MYOM1: variants seen among roughly 807,000 people sequenced by gnomAD.
The protein encoded by MYOM1 is myomesin 1.
In MYOM1, 164 loss-of-function variants were observed where a neutral mutation model predicts 205.3. The observed-to-expected ratio is 0.80, with a 90% confidence interval of 0.70 to 0.91. MYOM1 has a LOEUF of 0.91. Ranked by LOEUF, MYOM1 falls within the 40% of genes least tolerant of loss-of-function variation. MYOM1 has a pLI of 0.00. For synonymous variants in MYOM1, 772 were observed against 789.4 expected (o/e 0.98, Z 0.37); for missense variants, 2,011 against 2,127.3 (o/e 0.95, Z 1.08).
chr18:3,192,544 C>T lies in MYOM1; in HGVS notation c.431+1274G>A, dbSNP rs560962378. Among the ~76,000 whole-genome samples the T allele has an allele frequency of 2.6e-5, 4 of 152,186 alleles. No individual in the cohort carries two copies. In the South Asian group the frequency reaches 8.3e-4, roughly 32 times the overall value. ...ACCATCAATCACAACCAAATTATTT[C>T]CTGACTTCCAAGAGGATCTACTTTT... On this transcript the variant is annotated intron_variant, in intron 3 of 37. Transcript: ENST00000356443.
chr18:3,079,043 C>A, intron 34 of MYOM1, 136 bp downstream of exon 34: 4 of 590,832 alleles, frequency 6.8e-6, no homozygotes, highest in East Asian at 4.3e-5. Context: ...GAACTCCTGA[C>A]TTCAAGTCAT....
chr18:3,086,801 A>G (rs2079160426), intron 29 of MYOM1, among the ~76,000 whole-genome samples: 1 of 152,174 alleles, frequency 6.6e-6, no homozygotes, highest in East Asian at 1.9e-4. Context: ...ATACTCATGT[A>G]TTTCTTGTAT....
chr18:3,228,012 C>CTTTA, the MYOM1 span, among the ~76,000 whole-genome samples: 1 of 151,984 alleles, frequency 6.6e-6, no homozygotes, highest in Non-Finnish European at 1.5e-5. The surrounding 1 kb of genome is among the most constrained non-coding windows in gnomAD (Gnocchi z 4.5). Context: ...TACTTGCAAA[C>CTTTA]TAAAAAGTGA....
intron 5 of MYOM1, among the ~76,000 whole-genome samples, chr18:3,185,958 G>A (rs896304302): frequency 1.8e-4 from 27 of 152,178 alleles, no homozygotes; most frequent in African/African-American, 6.5e-4. Flanking sequence ...CACTTTGGGA[G>A]GCCGAGGTGG....
rs2081307688 is a variant in MYOM1, at chr18:3,219,520, T to A, written c.-29+283A>T. 6.6e-6 allele frequency among the ~76,000 whole-genome samples: 1 copy of A among 152,142 alleles called. No individual in the cohort carries two copies. Among genetic ancestry groups the A allele is most frequent in the African/African-American group, 2.4e-5 (1 of 41,436 alleles). ...CTTGGAAATAGCATTAAACACACGC[T>A]TACAGTTCAATCCGAGGCAGATATG... is the stretch of plus-strand genomic sequence containing the variant. On this transcript the variant is annotated intron_variant, in intron 1 of 37. Coordinates refer to ENST00000356443, the MANE Select transcript of MYOM1 (RefSeq NM_003803.4). The surrounding 1 kb of genome is among the most constrained non-coding windows in gnomAD (Gnocchi z 4.4).
At chr18:3,234,176 C>T in the MYOM1 span, among the ~76,000 whole-genome samples, 1 of 151,698 alleles carries the variant, frequency 6.6e-6, no homozygotes, top group East Asian at 1.9e-4. Context: ...AGGACGTGCT[C>T]AATAAAGAAG....
chr18:3,106,454 G>A (rs1043278857), intron 22 of MYOM1, among the ~76,000 whole-genome samples: 4 of 152,152 alleles, frequency 2.6e-5, no homozygotes, highest in African/African-American at 9.7e-5. Context: ...TGTAACATAA[G>A]AAATGGGATC....
chr18:3,100,038 T>A, intron 25 of MYOM1, 121 bp downstream of exon 25: 1 of 1,010,934 alleles, frequency 9.9e-7, no homozygotes, highest in South Asian at 1.4e-5. Flanking sequence ...CTGATGTGTG[T>A]TCCATTATAT....
chr18:3,220,258 A>T (rs1007622274), upstream of MYOM1: 2 of 152,066 alleles, frequency 1.3e-5, no homozygotes, highest in East Asian at 3.9e-4. Context: ...TAGTAATATG[A>T]TTCTCAAAAT....
At chr18:3,235,111 T>C in the MYOM1 span, among the ~76,000 whole-genome samples, 1 of 152,100 alleles carries the variant, frequency 6.6e-6, no homozygotes, top group Non-Finnish European at 1.5e-5. Context: ...TTGTTCTGGC[T>C]TTCCTATACA....
At chr18:3,229,383 G>C in the MYOM1 span, among the ~76,000 whole-genome samples, 1 of 131,332 alleles carries the variant, frequency 7.6e-6, no homozygotes, top group East Asian at 2.2e-4. Flanking sequence ...TGCAACCCAA[G>C]AGAAAAAAAA....
chr18:3,242,818 T>A, the MYOM1 span, among the ~76,000 whole-genome samples: 2 of 152,224 alleles, frequency 1.3e-5, no homozygotes, highest in Admixed American at 6.5e-5. Context: ...CTCGGGTATG[T>A]CTTTATCAGC....
the MYOM1 span, among the ~76,000 whole-genome samples, chr18:3,233,738 C>G: frequency 6.6e-6 from 1 of 152,224 alleles, no homozygotes; most frequent in Non-Finnish European, 1.5e-5. Flanking sequence ...GAAAGAAGAA[C>G]TCAATCAAAG....
intron 33 of MYOM1, 53 bp from the exon 34 acceptor site, chr18:3,079,395 C>G (rs770909680): frequency 8.6e-5 from 131 of 1,523,020 alleles, no homozygotes; most frequent in Non-Finnish European, 1.1e-4. Context: ...CAGGGCTGAT[C>G]TTTACTTTGT....
chr18:3,098,026 T>G (rs1028676976), intron 25 of MYOM1, among the ~76,000 whole-genome samples: 2 of 152,164 alleles, frequency 1.3e-5, no homozygotes, highest in Non-Finnish European at 2.9e-5. Context: ...TTTGGACTAG[T>G]TGTTGTCTAG....
rs781034408 is a variant in MYOM1, at chr18:3,164,401, A to T, written c.1378T>A (p.Trp460Arg). 36 of 1,610,224 alleles carry T rather than the reference A, an allele frequency of 2.2e-5. No individual in the cohort carries two copies. The highest frequency in any genetic ancestry group is 2.9e-5 in the Non-Finnish European group (34 of 1,177,918). ...GTCAGCGTTGCCCGCTCTCCACTCC[A>T]AAGTGTTTGCACCCATTTTGATGGA... ...LSPSKWVQTL[W>R]SGERATLTFS... Residue 460 changes from tryptophan to arginine, a missense_variant, in exon 10 of 38, where the codon TGG (tryptophan) becomes AGG (arginine). Trp to Arg is a moderately radical substitution (Grantham distance 101). Transcript: ENST00000356443.
chr18:3,212,564 AAT>A (rs2081203855), intron 2 of MYOM1, among the ~76,000 whole-genome samples: 1 of 152,246 alleles, frequency 6.6e-6, no homozygotes, highest in Non-Finnish European at 1.5e-5. Flanking sequence ...ATCCTTTAAA[AAT>A]ACAAATTCAT....
chr18:3,170,721 C>T (rs1398322588), intron 8 of MYOM1, among the ~76,000 whole-genome samples: 1 of 152,172 alleles, frequency 6.6e-6, no homozygotes, highest in Non-Finnish European at 1.5e-5. Context: ...TCACATTTGA[C>T]ATATCATCAA....
chr18:3,197,698 C>T (rs1251571410), intron 2 of MYOM1, among the ~76,000 whole-genome samples: 2 of 151,540 alleles, frequency 1.3e-5, no homozygotes, highest in East Asian at 2.0e-4. Flanking sequence ...ATGGTGAAAC[C>T]CCGTCTTTAC....
Sources: allele counts gnomAD v4.1 joint callset (sites outside exome capture counted in the v4.1 genomes callset), GRCh38; gene constraint gnomAD v4.1.1; non-coding constraint Gnocchi (gnomAD v3.1); transcripts MANE v1.5; gene names NCBI Gene and HGNC (gene_info 2026-07-23, HGNC 2026-07-21).